Variants in ANO3 observed in about 807,000 individuals in gnomAD.
ANO3 encodes the protein anoctamin 3.
ANO3 carries 99 observed loss-of-function variants against 144.8 expected under a neutral mutation model. The ratio of observed to expected loss-of-function variants is 0.68; its 90% CI spans 0.58 to 0.81. ANO3 has a LOEUF of 0.81. ANO3 is among the 30% of genes least tolerant of loss of function. The pLI is 0.00. For synonymous variants in ANO3, 414 were observed against 392.6 expected, an observed-to-expected ratio of 1.05 and a Z score of -0.64; for missense variants, 905 against 1,202.2, an observed-to-expected ratio of 0.75 and a Z score of 3.66.
chr11:26,405,150 G>A (rs957336650), intron 1 of ANO3, among the ~76,000 whole-genome samples: 1 of 151,414 alleles, frequency 6.6e-6, no homozygotes, highest in African/African-American at 2.4e-5. Context: ...TTCCTTTCAT[G>A]GGAAAGAATA....
chr11:26,376,248 C>G (rs1052074924), intron 1 of ANO3, among the ~76,000 whole-genome samples: 10 of 152,064 alleles, frequency 6.6e-5, no homozygotes, highest in Non-Finnish European at 1.3e-4. Flanking sequence ...CCCACTTCAA[C>G]CTTTATGAAG....
intron 3 of ANO3, among the ~76,000 whole-genome samples, chr11:26,460,427 GGGC>G (rs1306866264): frequency 1.6e-4 from 2 of 12,374 alleles, no homozygotes; most frequent in African/African-American, 2.6e-4. Flanking sequence ...AAAGGGGGGG[GGGC>G]GGGCGGGTGG....
chr11:26,502,417 T>C (rs1052613648), intron 4 of ANO3, among the ~76,000 whole-genome samples: 1 of 152,172 alleles, frequency 6.6e-6, no homozygotes, highest in South Asian at 2.1e-4. Context: ...AAGAAGGCAG[T>C]AAATTAGATT....
chr11:26,379,761 C>G (rs563571557), intron 1 of ANO3, among the ~76,000 whole-genome samples: 1 of 152,066 alleles, frequency 6.6e-6, no homozygotes, highest in East Asian at 1.9e-4. Flanking sequence ...CCACTGCACT[C>G]CAGCCTGTGT....
chr11:26,336,257 C>G (rs955829010), intron 1 of ANO3, among the ~76,000 whole-genome samples: 12 of 152,278 alleles, frequency 7.9e-5, no homozygotes, highest in East Asian at 7.7e-4. Flanking sequence ...GGTGGCTGCT[C>G]TTTACCAATA....
intron 17 of ANO3, among the ~76,000 whole-genome samples, chr11:26,610,436 T>A (rs1021120422): frequency 6.6e-6 from 1 of 152,094 alleles, no homozygotes; most frequent in Non-Finnish European, 1.5e-5. Context: ...TCCCTATATA[T>A]TCTGCACATA....
rs547807097 is a variant in ANO3, at chr11:26,638,362, T to G, written c.2044-782T>G. On this transcript the variant is annotated intron_variant, in intron 20 of 26. Coordinates refer to ENST00000256737, the MANE Select transcript of ANO3 (RefSeq NM_031418.4). ...TAGCACTTCACCTTTGTGATTGGTC[T>G]CTCCAAAACACATAACCCTGGTCTA... Among the ~76,000 whole-genome samples the G allele has an allele frequency of 4.5e-4, 69 of 152,318 alleles. No individual in the cohort carries two copies. The South Asian group carries it at 0.014, about 31-fold the overall frequency.
intron 1 of ANO3, among the ~76,000 whole-genome samples, chr11:26,385,850 C>CACAT (rs1491163340): frequency 7.0e-6 from 1 of 142,670 alleles, no homozygotes; most frequent in African/African-American, 2.6e-5. Flanking sequence ...CACACACACA[C>CACAT]ATATATATGT....
At chr11:26,592,778 G>T (rs1172429558) in intron 14 of ANO3, among the ~76,000 whole-genome samples, 1 of 151,756 alleles carries the variant, frequency 6.6e-6, no homozygotes, top group Non-Finnish European at 1.5e-5. Flanking sequence ...TAAGTGAAAG[G>T]TTTGGTGAAG....
At chr11:26,455,011 CA>C (rs1217275006) in intron 3 of ANO3, among the ~76,000 whole-genome samples, 1 of 150,932 alleles carries the variant, frequency 6.6e-6, no homozygotes, top group Non-Finnish European at 1.5e-5. Flanking sequence ...AGGCCTTTGA[CA>C]AAATTCAACA....
At chr11:26,241,655 T>A (rs1021591638) in intron 1 of ANO3, among the ~76,000 whole-genome samples, 16 of 152,182 alleles carry the variant, frequency 1.1e-4, no homozygotes, top group African/African-American at 3.9e-4. Context: ...ATAGATAGTA[T>A]TGGCAGAACA....
In ANO3 at chr11:26,442,067, G is replaced by C. The variant is rs1215689928; in HGVS notation, c.196G>C (p.Ala66Pro). 3 of 1,614,018 alleles carry C rather than the reference G, an allele frequency of 1.9e-6. No individual in the cohort carries two copies. In the South Asian group the frequency reaches 3.3e-5, roughly 18 times the overall value. Residue 66 changes from alanine to proline, a missense_variant, in exon 2 of 27, where the codon GCT becomes CCT. This residue lies in a region of ANO3 where 174 missense variants were observed against 171.9 expected (regional missense o/e 1.01). Coordinates refer to ENST00000256737, the MANE Select transcript of ANO3 (RefSeq NM_031418.4). ...CCAGTCAACCGAGAGTGAATCTCAG[G>C]CTCCCACATCTATAACCTTAATCTC... ...LFQSTESESQAPTSITLISTD... is the reference protein window; with the variant it reads ...LFQSTESESQPPTSITLISTD...
chr11:26,321,496 AGTCT>A (rs1305425058), intron 1 of ANO3, among the ~76,000 whole-genome samples: 1 of 151,998 alleles, frequency 6.6e-6, no homozygotes, highest in African/African-American at 2.4e-5. Flanking sequence ...TAAATCTTGG[AGTCT>A]GTCTTCTGAT....
At chr11:26,363,722 T>C (rs1489070398) in intron 1 of ANO3, among the ~76,000 whole-genome samples, 2 of 152,170 alleles carry the variant, frequency 1.3e-5, no homozygotes, top group African/African-American at 4.8e-5. Flanking sequence ...TTTTATATTG[T>C]TGAGGCAAAC....
intron 12 of ANO3, among the ~76,000 whole-genome samples, chr11:26,549,368 G>T (rs906119114): frequency 3.9e-5 from 6 of 151,902 alleles, no homozygotes; most frequent in Non-Finnish European, 1.5e-5. Flanking sequence ...AAAATTTGGG[G>T]ACTGAAATTT....
At chr11:26,412,692 C>T (rs532197116) in intron 1 of ANO3, among the ~76,000 whole-genome samples, 66 of 151,886 alleles carry the variant, frequency 4.3e-4, no homozygotes, top group African/African-American at 1.5e-3. Flanking sequence ...ATACAGCTTA[C>T]ACACAATAAT....
At chr11:26,516,753 C>T in intron 5 of ANO3, 74 bp from the exon 6 acceptor site, 1 of 1,064,208 alleles carries the variant, frequency 9.4e-7, no homozygotes, top group Non-Finnish European at 1.4e-6. Flanking sequence ...GTTCTTTATT[C>T]CCAAATCAAA....
intron 1 of ANO3, among the ~76,000 whole-genome samples, chr11:26,251,838 C>T (rs7128904): frequency 1.3e-5 from 2 of 152,156 alleles, no homozygotes; most frequent in South Asian, 2.1e-4. Flanking sequence ...AACTCCCTCA[C>T]TATCACGCAG....
intron 17 of ANO3, among the ~76,000 whole-genome samples, chr11:26,618,369 C>T (rs551942667): frequency 1.3e-5 from 2 of 152,168 alleles, no homozygotes; most frequent in Non-Finnish European, 2.9e-5. Context: ...TTTTATTATC[C>T]ATTTTTTGCT....
Sources: allele counts gnomAD v4.1 joint callset (sites outside exome capture counted in the v4.1 genomes callset), GRCh38; gene constraint gnomAD v4.1.1; regional missense constraint gnomAD v4.1.1; transcripts MANE v1.5; gene names NCBI Gene and HGNC (gene_info 2026-07-23, HGNC 2026-07-21).